Variants in TYW1 observed in about 807,000 individuals in gnomAD.
TYW1 encodes S-adenosyl-L-methionine-dependent tRNA 4-demethylwyosine synthase TYW1.
TYW1 carries 46 observed loss-of-function variants against 96.2 expected under a neutral mutation model. The observed-to-expected ratio is 0.48, with a 90% CI of 0.38 to 0.61. TYW1 has a LOEUF of 0.61. Among genes scored for constraint, TYW1 ranks in the 20% least tolerant of loss-of-function variants. TYW1 has a pLI of 0.00. For synonymous variants in TYW1, 274 were observed against 323.0 expected (o/e 0.85, Z 1.63); for missense variants, 684 against 909.6 (o/e 0.75, Z 3.19).
At chr7:67,076,498 CAG>C (rs1406035286) in intron 10 of TYW1, among the ~76,000 whole-genome samples, 7 of 151,196 alleles carry the variant, frequency 4.6e-5, no homozygotes, top group African/African-American at 1.2e-4. Context: ...TTTTTTTAGA[CAG>C]AGTCTCGCTC....
chr7:67,014,439 T>C lies in TYW1; in HGVS notation c.448T>C (p.Trp150Arg). Reference protein sequence around the residue: ...TDGLPTESAEWFCKWLEEASI... With the variant: ...TDGLPTESAERFCKWLEEASI... ...CGGCCTACCAACTGAAAGTGCAGAGTGGTTCTGCAAATGGTTAGAGGAAGC... is the reference window on the plus strand; with the variant it reads ...CGGCCTACCAACTGAAAGTGCAGAGCGGTTCTGCAAATGGTTAGAGGAAGC... The change falls in exon 5 of 16, where the codon TGG becomes CGG. Residue 150 changes from tryptophan (W) to arginine (R), a missense_variant. Trp to Arg is a moderately radical substitution (Grantham distance 101, BLOSUM62 -3). Transcript: ENST00000359626. 2 of 1,613,872 alleles carry C rather than the reference T, an allele frequency of 1.2e-6. No individual in the cohort carries two copies. Among genetic ancestry groups the C allele is most frequent in the African/African-American group, 1.3e-5 (1 of 75,004 alleles).
chr7:67,025,195 C>G (rs1794408189), intron 7 of TYW1, among the ~76,000 whole-genome samples, 173 bp downstream of exon 7: 2 of 151,876 alleles, frequency 1.3e-5, no homozygotes, highest in African/African-American at 4.8e-5. Flanking sequence ...TGAGCATCTC[C>G]CTTCTCAGGC....
chr7:67,210,901 T>TCC (rs1563073348), intron 15 of TYW1, among the ~76,000 whole-genome samples: 2 of 105,278 alleles, frequency 1.9e-5, no homozygotes, highest in South Asian at 3.7e-4. Context: ...TCTATCCATC[T>TCC]GTCCATCCAT....
chr7:67,032,535 C>T (rs1230577162), intron 7 of TYW1, among the ~76,000 whole-genome samples: 5 of 152,220 alleles, frequency 3.3e-5, no homozygotes, highest in Middle Eastern at 3.4e-3. Context: ...GTAGGAGAAT[C>T]GCTTGAGCCT....
intron 15 of TYW1, among the ~76,000 whole-genome samples, chr7:67,236,584 GA>G (rs1373101645): frequency 2.0e-5 from 3 of 152,228 alleles, no homozygotes; most frequent in African/African-American, 7.2e-5. Flanking sequence ...TCTTGGGAGA[GA>G]AAATGATGGT....
chr7:67,103,945 C>G (rs1797164829), intron 12 of TYW1, among the ~76,000 whole-genome samples: 1 of 152,036 alleles, frequency 6.6e-6, no homozygotes, highest in South Asian at 2.1e-4. Context: ...CTGGGAGGGG[C>G]TTTTGACCTT....
At position 67,050,179 on chromosome 7, in the gene TYW1, A is replaced by G. The variant is rs1472674835; in HGVS notation, c.1102+113A>G. ...TCAGCAGCTGTTCATAGTGGCAGAT[A>G]TAACAGTCTAAAGATTTACCTTTTT... is the stretch of plus-strand genomic sequence containing the variant. On this transcript the variant is annotated intron_variant, in intron 8 of 15. Transcript: ENST00000359626. 120 of 1,236,450 alleles carry G rather than the reference A, an allele frequency of 9.7e-5. 1 individual carries two copies. In the South Asian group the frequency reaches 1.6e-3, roughly 16 times the overall value. 76.6% of individuals were successfully genotyped at this position (1,236,450 alleles called of 1,614,324 possible).
chr7:67,208,265 G>A (rs985075535), intron 15 of TYW1, among the ~76,000 whole-genome samples: 3 of 152,106 alleles, frequency 2.0e-5, no homozygotes, highest in Non-Finnish European at 4.4e-5. Flanking sequence ...TGGTTGCAGT[G>A]AGCAGAGATT....
intron 7 of TYW1, among the ~76,000 whole-genome samples, chr7:67,033,023 A>T (rs1395092400): frequency 6.8e-6 from 1 of 147,890 alleles, no homozygotes; most frequent in African/African-American, 2.5e-5. Flanking sequence ...AAGCCTCCTG[A>T]GTAGCTGCGA....
intron 12 of TYW1, 147 bp downstream of exon 12, chr7:67,098,865 C>G: frequency 1.1e-6 from 1 of 875,268 alleles, no homozygotes; most frequent in Non-Finnish European, 1.7e-6. Context: ...GATGGTCCTG[C>G]TCTTCAAAAT....
In TYW1 at chr7:67,092,089, G is replaced by A. The variant is rs948020171; in HGVS notation, c.1385-6452G>A. ...GTTAGCCCCAATGCTTGCTTTGTCTGAGTTGATGGCAGCCATGTTGCTGGA... is the reference window on the plus strand; with the variant it reads ...GTTAGCCCCAATGCTTGCTTTGTCTAAGTTGATGGCAGCCATGTTGCTGGA... On this transcript the variant is annotated intron_variant, in intron 11 of 15. Coordinates refer to ENST00000359626, the MANE Select transcript of TYW1 (RefSeq NM_018264.4). Among the ~76,000 whole-genome samples the A allele has an allele frequency of 2.6e-5, 4 of 152,268 alleles. No individual in the cohort carries two copies. In the East Asian group the frequency reaches 7.7e-4, roughly 29 times the overall value.
chr7:67,199,119 C>T (rs930048401), intron 15 of TYW1, among the ~76,000 whole-genome samples: 8 of 151,938 alleles, frequency 5.3e-5, no homozygotes, highest in Admixed American at 2.6e-4. Context: ...ATCATCTGAG[C>T]CCAGGAGGTC....
In TYW1 at chr7:67,032,885, C is replaced by CTTTTTTTTTTTTTTTT. The variant is rs778743156; in HGVS notation, c.984+7877_984+7892dup. Among the ~76,000 whole-genome samples, 13 of 76,278 alleles carry CTTTTTTTTTTTTTTTT rather than the reference C, an allele frequency of 1.7e-4. 1 individual carries two copies. Among genetic ancestry groups the CTTTTTTTTTTTTTTTT allele is most frequent in the African/African-American group, 3.0e-4 (5 of 16,650 alleles). The allele number at this position is 76,278 out of a possible 152,430, so 50.0% of individuals were successfully genotyped here. A position where few individuals can be genotyped will look rare whatever the true frequency, so the allele number is the denominator to read the frequency against. On this transcript the variant is annotated intron_variant, in intron 7 of 15. Transcript: ENST00000359626. ...ATTTTCCAGCAGCAGAGAAGTATAC[C>CTTTTTTTTTTTTTTTT]TTTTTTTTTTTTTTTTTTTTTTTTT... is the stretch of plus-strand genomic sequence containing the variant.
intron 13 of TYW1, among the ~76,000 whole-genome samples, chr7:67,163,891 A>G (rs1314303791): frequency 1.3e-5 from 2 of 151,814 alleles, no homozygotes; most frequent in Admixed American, 1.3e-4. Flanking sequence ...CTGGTCTCGA[A>G]CTCCTGACCT....
At chr7:67,164,649 C>T (rs1319782851) in intron 13 of TYW1, among the ~76,000 whole-genome samples, 4 of 150,392 alleles carry the variant, frequency 2.7e-5, no homozygotes, top group Admixed American at 6.7e-5. Context: ...AACAAATACT[C>T]CTCTAAAACA....
chr7:67,150,875 A>T (rs560440145), intron 13 of TYW1, among the ~76,000 whole-genome samples: 1 of 151,850 alleles, frequency 6.6e-6, no homozygotes, highest in Non-Finnish European at 1.5e-5. Context: ...CTTGAAATTA[A>T]AAACCTGTGG....
intron 13 of TYW1, among the ~76,000 whole-genome samples, chr7:67,176,724 C>G (rs1799681145): frequency 6.6e-6 from 1 of 152,108 alleles, no homozygotes; most frequent in Non-Finnish European, 1.5e-5. Context: ...ATGCAAAGGG[C>G]CAAGAATGGC....
At chr7:67,121,469 A>G (rs1797758374) in intron 13 of TYW1, among the ~76,000 whole-genome samples, 1 of 152,204 alleles carries the variant, frequency 6.6e-6, no homozygotes. Flanking sequence ...TCAACCGAGG[A>G]GGCGGAGGTT....
At chr7:67,221,926 G>A (rs1269200665) in intron 15 of TYW1, among the ~76,000 whole-genome samples, 2 of 151,324 alleles carry the variant, frequency 1.3e-5, no homozygotes, top group African/African-American at 2.4e-5. Context: ...GGCTGGGTGT[G>A]GTGGCTGACG....
Sources: allele counts gnomAD v4.1 joint callset (sites outside exome capture counted in the v4.1 genomes callset), GRCh38; gene constraint gnomAD v4.1.1; transcripts MANE v1.5; gene names NCBI Gene and HGNC (gene_info 2026-07-23, HGNC 2026-07-21).